PCDHA3: variants seen among roughly 807,000 people sequenced by gnomAD.
PCDHA3 encodes the protein protocadherin alpha 3, also known as protocadherin alpha-3.
PCDHA3 carries 41 observed loss-of-function variants against 62.2 expected under a neutral mutation model. The ratio of observed to expected loss-of-function variants is 0.66; its 90% CI spans 0.51 to 0.86. The LOEUF (loss-of-function observed/expected upper bound fraction) is 0.86. Ranked by LOEUF, PCDHA3 falls within the 40% of genes least tolerant of loss-of-function variation. PCDHA3 has a pLI of 0.00. For synonymous variants in PCDHA3, 640 were observed against 555.4 expected (o/e 1.15, Z -2.14); for missense variants, 1,304 against 1,241.2 (o/e 1.05, Z -0.76).
At chr5:140,808,381 G>A in intron 1 of PCDHA3, 1 of 1,614,168 alleles carries the variant, frequency 6.2e-7, no homozygotes, top group Non-Finnish European at 8.5e-7. Context: ...TCAAGCTGGT[G>A]TCCACCTTCA....
chr5:140,871,015 G>T (rs1554164977), intron 1 of PCDHA3: 4 of 1,613,124 alleles, frequency 2.5e-6, no homozygotes, highest in East Asian at 4.5e-5. Flanking sequence ...TGCCCTGGAC[G>T]AGGCAGACTC....
rs374659815 is a variant in PCDHA3 at position 140,871,353 on chromosome 5, G to A, written c.2394+67762G>A. 3.6e-5 allele frequency: 58 copies of A among 1,614,214 alleles called. No homozygotes were observed. The African/African-American group carries it at 5.1e-4, about 14-fold the overall frequency. ...GCGCGGTGGGGAGCTGGTCATACTC[G>A]CAGCAGAGGCGGCAGAGGGTGTGCT... On this transcript the variant is annotated intron_variant, in intron 1 of 3. Coordinates refer to ENST00000522353, the MANE Select transcript of PCDHA3 (RefSeq NM_018906.3).
intron 1 of PCDHA3, chr5:140,928,354 A>G: frequency 6.2e-7 from 1 of 1,614,150 alleles, no homozygotes; most frequent in Non-Finnish European, 8.5e-7. Flanking sequence ...GTTGGATGTT[A>G]TCTCTGAAGG....
At chr5:140,866,680 C>G (rs2049493628) in intron 1 of PCDHA3, 1 of 152,138 alleles carries the variant, frequency 6.6e-6, no homozygotes, top group South Asian at 2.1e-4. Context: ...AGCACTAGGT[C>G]TGTTAGAATA....
intron 1 of PCDHA3, chr5:140,871,382 A>G (rs781900960): frequency 1.2e-6 from 2 of 1,614,188 alleles, no homozygotes; most frequent in South Asian, 2.2e-5. Flanking sequence ...GTGTGCTCTG[A>G]GGAGGGCCCA....
chr5:140,983,900 G>T (rs1345141422), intron 3 of PCDHA3, among the ~76,000 whole-genome samples: 1 of 152,198 alleles, frequency 6.6e-6, no homozygotes, highest in Admixed American at 6.5e-5. Context: ...GGCATTCGTT[G>T]ATTCTAATCA....
intron 1 of PCDHA3, chr5:140,966,716 G>T: frequency 1.4e-6 from 2 of 1,394,682 alleles, no homozygotes; most frequent in Non-Finnish European, 9.2e-7. Context: ...CACGGCTGGG[G>T]AAGCTGCCGC....
In PCDHA3 at chr5:140,884,802, ACTCTGC is replaced by A. The variant is rs2060361534; in HGVS notation, c.2394+81212_2394+81217del. The A allele has an allele frequency of 4.1e-6, 5 of 1,232,140 alleles. No individual in the cohort carries two copies. The South Asian group carries it at 9.1e-5, about 22-fold the overall frequency. The allele number at this position is 1,232,140 out of a possible 1,614,324, so 76.3% of individuals were successfully genotyped here. A position where few individuals can be genotyped will look rare whatever the true frequency, so the allele number is the denominator to read the frequency against. ...TTGCTAGTTGTTATCGAATTTAACA[ACTCTGC>A]TGTGGACATTATGTGTTGGATTATC... is the stretch of plus-strand genomic sequence containing the variant. On this transcript the variant is annotated intron_variant, in intron 1 of 3. Transcript: ENST00000522353.
At chr5:140,884,301 C>G (rs375535055) in intron 1 of PCDHA3, 2 of 1,613,726 alleles carry the variant, frequency 1.2e-6, no homozygotes, top group South Asian at 1.1e-5. Context: ...GCGCCACAGG[C>G]TTCGTCGAGG....
intron 1 of PCDHA3, chr5:140,824,124 C>G (rs2150132311): frequency 3.7e-5 from 59 of 1,613,132 alleles, no homozygotes; most frequent in Non-Finnish European, 4.8e-5. Flanking sequence ...CCTCTACAGA[C>G]AACGTGAGTT....
At chr5:140,830,751 A>G (rs1247208262) in intron 1 of PCDHA3, 3 of 185,768 alleles carry the variant, frequency 1.6e-5, no homozygotes, top group Admixed American at 1.2e-4. Flanking sequence ...TTTCTGTTGC[A>G]TTTTAATTCA....
intron 1 of PCDHA3, chr5:140,842,523 T>C (rs2150338056): frequency 6.2e-7 from 1 of 1,613,420 alleles, no homozygotes; most frequent in South Asian, 1.1e-5. Flanking sequence ...GTGTCCACCT[T>C]CAAGAATTAC....
chr5:140,809,668 A>G (rs1303079080), intron 1 of PCDHA3: 11 of 1,453,082 alleles, frequency 7.6e-6, no homozygotes, highest in Admixed American at 2.3e-5. Context: ...TCCCTGGGTT[A>G]AAATTTTACC....
At chr5:140,967,695 T>C (rs782761674) in intron 1 of PCDHA3, 5 of 1,614,184 alleles carry the variant, frequency 3.1e-6, no homozygotes, top group Admixed American at 1.7e-5. Flanking sequence ...CTCTTCAGCA[T>C]AGATGCCAGT....
At chr5:140,943,670 G>A (rs1161487572) in intron 1 of PCDHA3, among the ~76,000 whole-genome samples, 1 of 152,036 alleles carries the variant, frequency 6.6e-6, no homozygotes, top group Non-Finnish European at 1.5e-5. Flanking sequence ...TGTATAAAGT[G>A]TGAAAAAAAG....
chr5:140,925,806 C>A (rs2082736423), intron 1 of PCDHA3, among the ~76,000 whole-genome samples: 1 of 152,148 alleles, frequency 6.6e-6, no homozygotes, highest in South Asian at 2.1e-4. Flanking sequence ...TTCCCCTCCA[C>A]TTCTCACGTC....
At chr5:140,843,076 G>C in intron 1 of PCDHA3, 1 of 1,595,332 alleles carries the variant, frequency 6.3e-7, no homozygotes, top group South Asian at 1.1e-5. Context: ...CGCGGTCTGT[G>C]GGCGCGGGCC....
chr5:140,857,003 G>A (rs74982530), intron 1 of PCDHA3: 2 of 1,595,436 alleles, frequency 1.3e-6, no homozygotes, highest in Admixed American at 1.7e-5. Flanking sequence ...TGAAATTCAT[G>A]TAGATGTTAC....
chr5:140,982,545 G>C lies in PCDHA3; in HGVS notation c.2524G>C (p.Val842Leu), dbSNP rs782544627. The change falls in exon 3 of 4, where the codon GTA becomes CTA. Residue 842 changes from valine (V) to leucine (L), a missense_variant. Val to Leu is a conservative substitution (Grantham distance 32). Transcript: ENST00000522353. The stretch of plus-strand genomic sequence containing the variant: ...AGGGCCTGATCAGCAGTGGCCAACA[G>C]TATCCAGTGCAACACCAGGTAAAGA... ...PGGPDQQWPT[V>L]SSATPEPEAG... The C allele has an allele frequency of 6.2e-6, 10 of 1,614,088 alleles. No individual in the cohort carries two copies. The East Asian group carries it at 2.2e-4, about 36-fold the overall frequency.
Sources: allele counts gnomAD v4.1 joint callset (sites outside exome capture counted in the v4.1 genomes callset), GRCh38; gene constraint gnomAD v4.1.1; transcripts MANE v1.5; gene names NCBI Gene and HGNC (gene_info 2026-07-23, HGNC 2026-07-21).